The following VPS37D variants were observed in gnomAD, a reference collection of about 807,000 sequenced individuals.
The protein encoded by VPS37D is vacuolar protein sorting-associated protein 37D.
Under a neutral mutation model 22.0 loss-of-function variants are expected in VPS37D, and 5 were observed. The ratio of observed to expected loss-of-function variants is 0.23; its 90% CI spans 0.12 to 0.48. The LOEUF (loss-of-function observed/expected upper bound fraction) is 0.48, where lower values mean the gene tolerates loss of function less well. Among genes scored for constraint, VPS37D ranks in the 20% least tolerant of loss-of-function variants. The pLI, the probability that VPS37D is intolerant of heterozygous loss-of-function variation, is 0.99. For missense variants in VPS37D, 384 were observed against 345.8 expected, an observed-to-expected ratio of 1.11 and a Z score of -0.88; for synonymous variants, 174 against 159.3, an observed-to-expected ratio of 1.09 and a Z score of -0.69.
chr7:73,671,903 C>T lies in VPS37D; in HGVS notation c.*527C>T, dbSNP rs1181840704. ...TGGCCCTGGGGCTACTACGTGTCCA[C>T]ACATGCTCCAGACCCTGGGGCAAGG... On this transcript the variant is annotated 3_prime_UTR_variant, in exon 4 of 4. Transcript: ENST00000324941. 6.6e-6 allele frequency: 1 copy of T among 152,346 alleles called. No homozygotes were observed. The highest frequency in any genetic ancestry group is 1.5e-5 in the Non-Finnish European group (1 of 68,134). 9.4% of individuals were successfully genotyped at this position (152,346 alleles called of 1,614,324 possible).
Position 73,667,980 on chromosome 7 carries a change from C to T in VPS37D, c.22C>T (p.Arg8Trp). 9.2e-7 allele frequency: 1 copy of T among 1,084,012 alleles called. No individual in the cohort carries two copies. The allele number at this position is 1,084,012 out of a possible 1,614,324, so 67.1% of individuals were successfully genotyped here. A position where few individuals can be genotyped will look rare whatever the true frequency, so the allele number is the denominator to read the frequency against. MYRARAA[R>W]AGPEPGSPGR... ...CGGCATGTACCGGGCCCGGGCGGCG[C>T]GGGCGGGGCCGGAGCCCGGCAGCCC... The change falls in exon 1 of 4, where the codon CGG becomes TGG. Residue 8 changes from arginine (R) to tryptophan (W), a missense_variant. Arg to Trp is a moderately radical substitution (Grantham distance 101, BLOSUM62 -3). Coordinates refer to ENST00000324941, the MANE Select transcript of VPS37D (RefSeq NM_001077621.2).
At chr7:73,666,321 A>T (rs1797370703), upstream of VPS37D, among the ~76,000 whole-genome samples, 1 of 152,230 alleles carries the variant, frequency 6.6e-6, no homozygotes, top group African/African-American at 2.4e-5. Flanking sequence ...TGTTCAGCGC[A>T]GAGCGGCATC....
At chr7:73,669,773 C>T (rs1797465228) in intron 2 of VPS37D, among the ~76,000 whole-genome samples, 183 bp downstream of exon 2, 1 of 152,066 alleles carries the variant, frequency 6.6e-6, no homozygotes, top group African/African-American at 2.4e-5. Context: ...GAAAGGGGAC[C>T]CAATACGCAG....
chr7:73,668,522 G>A (rs1434249191), intron 1 of VPS37D, among the ~76,000 whole-genome samples: 1 of 151,950 alleles, frequency 6.6e-6, no homozygotes, highest in Non-Finnish European at 1.5e-5. Context: ...GGCGCAAGAG[G>A]GGGCTTTGTG....
chr7:73,670,192 G>GC, intron 3 of VPS37D, 90 bp downstream of exon 3: 1 of 1,538,276 alleles, frequency 6.5e-7, no homozygotes, highest in Non-Finnish European at 8.8e-7. Flanking sequence ...AGGCTGGGGA[G>GC]CCCCTCCTCT....
Position 73,671,018 on chromosome 7 carries a change from A to C in VPS37D, c.398A>C (p.Gln133Pro). 6.2e-7 allele frequency: 1 copy of C among 1,612,022 alleles called. No individual in the cohort carries two copies. Among genetic ancestry groups the C allele is most frequent in the Non-Finnish European group, 8.5e-7 (1 of 1,179,264 alleles). ...TTCCCTTCCCTCCCGGCCCAGGAGC[A>C]GATGGAGCAGCTGCTGCTCGGGGAG... ...LEEAEQEAEE[Q>P]MEQLLLGEQS... Residue 133 changes from glutamine to proline, a missense_variant, in exon 4 of 4, where the codon CAG becomes CCG. Coordinates refer to ENST00000324941, the MANE Select transcript of VPS37D (RefSeq NM_001077621.2).
rs2116634010 is a variant in VPS37D at position 73,671,671 on chromosome 7, A to C, written c.*295A>C. 1 of 168,468 alleles carries C rather than the reference A, an allele frequency of 5.9e-6. No individual in the cohort carries two copies. The highest frequency in any genetic ancestry group is 1.3e-5 in the Non-Finnish European group (1 of 79,214). The allele number at this position is 168,468 out of a possible 1,614,324, so 10.4% of individuals were successfully genotyped here. A position where few individuals can be genotyped will look rare whatever the true frequency, so the allele number is the denominator to read the frequency against. Reference sequence around the variant, plus strand: ...CAGCCCCGTTAAAGAACTTGACTCAACTACAGGGGCCTGGGAAGATGCCTG... The same window carrying C: ...CAGCCCCGTTAAAGAACTTGACTCACCTACAGGGGCCTGGGAAGATGCCTG... On this transcript the variant is annotated 3_prime_UTR_variant, in exon 4 of 4. Coordinates refer to ENST00000324941, the MANE Select transcript of VPS37D (RefSeq NM_001077621.2).
At chr7:73,670,423 G>A (rs1275166641) in intron 3 of VPS37D, among the ~76,000 whole-genome samples, 2 of 152,172 alleles carry the variant, frequency 1.3e-5, no homozygotes, top group Non-Finnish European at 2.9e-5. Flanking sequence ...GTGGGCTCCC[G>A]AAGGACATGT....
intron 1 of VPS37D, among the ~76,000 whole-genome samples, chr7:73,668,548 GGGT>G (rs1171043067): frequency 1.3e-5 from 2 of 152,088 alleles, no homozygotes; most frequent in Admixed American, 1.3e-4. Flanking sequence ...CGTTGGGGAG[GGGT>G]GCTGGAAGCT....
At chr7:73,666,391 T>C (rs1554608643), upstream of VPS37D, among the ~76,000 whole-genome samples, 3 of 152,130 alleles carry the variant, frequency 2.0e-5, no homozygotes, top group Admixed American at 2.0e-4. Context: ...TTACCTGTAA[T>C]GTGACTTTGG....
At chr7:73,667,397 C>T (rs1303941659), upstream of VPS37D, among the ~76,000 whole-genome samples, 1 of 152,166 alleles carries the variant, frequency 6.6e-6, no homozygotes, top group Non-Finnish European at 1.5e-5. Flanking sequence ...TCCCAAATCG[C>T]TGGAATTACA....
intron 2 of VPS37D, among the ~76,000 whole-genome samples, 165 bp downstream of exon 2, chr7:73,669,755 G>A (rs1797464757): frequency 6.6e-6 from 1 of 151,840 alleles, no homozygotes; most frequent in Admixed American, 6.6e-5. Flanking sequence ...GGGGAGGGTT[G>A]GGTGGGAGAA....
chr7:73,668,681 G>A (rs533703403), intron 1 of VPS37D, among the ~76,000 whole-genome samples: 1 of 152,228 alleles, frequency 6.6e-6, no homozygotes, highest in Non-Finnish European at 1.5e-5. Flanking sequence ...AGGCAGGCGA[G>A]GAGGGGCTTG....
chr7:73,671,608 T>G lies in VPS37D; in HGVS notation c.*232T>G. 4.2e-6 allele frequency: 1 copy of G among 237,090 alleles called. No homozygotes were observed. Among genetic ancestry groups the G allele is most frequent in the Non-Finnish European group, 8.2e-6 (1 of 122,202 alleles). The allele number at this position is 237,090 out of a possible 1,614,324, so 14.7% of individuals were successfully genotyped here. On this transcript the variant is annotated 3_prime_UTR_variant, in exon 4 of 4. Coordinates refer to ENST00000324941, the MANE Select transcript of VPS37D (RefSeq NM_001077621.2). ...TCTGGCGCTGAAGACACCCTGCCTT[T>G]TTTGTTTCCGTGCCCCGGGGCCTCT...
Position 73,671,173 on chromosome 7 carries a change from T to A in VPS37D, c.553T>A (p.Ser185Thr), listed in dbSNP as rs1554609677. The change falls in exon 4 of 4, where the codon TCG becomes ACG. Residue 185 changes from serine (S) to threonine (T), a missense_variant. Physicochemically the swap from Ser to Thr is moderately conservative, Grantham distance 58. Transcript: ENST00000324941. ...RERSAQPAPTSAADPPKSFPA... is the reference protein window; with the variant it reads ...RERSAQPAPTTAADPPKSFPA... ...GCGTTCTGCCCAGCCGGCCCCCACCTCGGCTGCTGATCCCCCCAAATCCTT... is the reference window on the plus strand; with the variant it reads ...GCGTTCTGCCCAGCCGGCCCCCACCACGGCTGCTGATCCCCCCAAATCCTT... 2.5e-6 allele frequency: 4 copies of A among 1,603,616 alleles called. No individual in the cohort carries two copies. The highest frequency in any genetic ancestry group is 3.4e-6 in the Non-Finnish European group (4 of 1,177,644).
At chr7:73,668,186 C>A in intron 1 of VPS37D, 90 bp downstream of exon 1, 1 of 824,588 alleles carries the variant, frequency 1.2e-6, no homozygotes, top group Non-Finnish European at 1.5e-6. Context: ...CGGGCCGGGC[C>A]GCGGGGCCGC....
rs999765350 is a variant in VPS37D at position 73,671,001 on chromosome 7, C to T, written c.394-13C>T. ...CGTGCCTCTCCCAAGCCTTCCCTTC[C>T]CTCCCGGCCCAGGAGCAGATGGAGC... On this transcript the variant is annotated splice_polypyrimidine_tract_variant and intron_variant, in intron 3 of 3. Coordinates refer to ENST00000324941, the MANE Select transcript of VPS37D (RefSeq NM_001077621.2). 6.2e-7 allele frequency: 1 copy of T among 1,610,042 alleles called. No homozygotes were observed. Among genetic ancestry groups the T allele is most frequent in the South Asian group, 1.1e-5 (1 of 90,854 alleles).
chr7:73,666,973 C>CT (rs71082248), upstream of VPS37D, among the ~76,000 whole-genome samples: 75,468 of 129,738 alleles, frequency 0.58, 24,527 homozygotes, highest in Non-Finnish European at 0.72. Flanking sequence ...TCTTTTCACT[C>CT]TTTTTTTTTT....
chr7:73,667,103 G>C (rs1797390643), upstream of VPS37D, among the ~76,000 whole-genome samples: 1 of 151,506 alleles, frequency 6.6e-6, no homozygotes, highest in Non-Finnish European at 1.5e-5. Flanking sequence ...CTCGCGAGTA[G>C]CTGGGACTAC....
Sources: allele counts gnomAD v4.1 joint callset (sites outside exome capture counted in the v4.1 genomes callset), GRCh38; gene constraint gnomAD v4.1.1; transcripts MANE v1.5; gene names NCBI Gene and HGNC (gene_info 2026-07-23, HGNC 2026-07-21).